RFX1: variants seen among roughly 807,000 people sequenced by gnomAD.
RFX1 encodes the protein regulatory factor X1.
A neutral mutation model predicts 119.6 loss-of-function variants in RFX1; 42 were observed. The ratio of observed to expected loss-of-function variants is 0.35; its 90% CI spans 0.27 to 0.45. RFX1 has a LOEUF of 0.45. RFX1 is among the 20% of genes least tolerant of loss of function. RFX1 has a pLI of 1.00. For missense variants in RFX1, 1,118 were observed against 1,368.1 expected, an observed-to-expected ratio of 0.82 and a Z score of 2.88; for synonymous variants, 628 against 618.5, an observed-to-expected ratio of 1.02 and a Z score of -0.23.
Position 13,990,107 on chromosome 19 carries a change from G to A in RFX1, c.319+3418C>T, listed in dbSNP as rs146176132. Reference sequence around the variant, plus strand: ...GTTCAGGGTTGCAGCCCAGGCTGGAGACCTCAGTGTGGGTAATGAGAGCTG... The same window carrying A: ...GTTCAGGGTTGCAGCCCAGGCTGGAAACCTCAGTGTGGGTAATGAGAGCTG... On this transcript the variant is annotated intron_variant, in intron 2 of 20. Transcript: ENST00000254325. The surrounding 1 kb of genome is among the most constrained non-coding windows in gnomAD (Gnocchi z 4.1). Among the ~76,000 whole-genome samples the A allele has an allele frequency of 3.8e-3, 573 of 152,292 alleles. 2 individuals are homozygous for A. Among genetic ancestry groups the A allele is most frequent in the Non-Finnish European group, 6.8e-3 (462 of 68,028 alleles).
In RFX1 at chr19:13,983,174, G is replaced by A; in HGVS notation, c.513+13C>T. On this transcript the variant is annotated intron_variant, in intron 4 of 20. Coordinates refer to ENST00000254325, the MANE Select transcript of RFX1 (RefSeq NM_002918.5). ...GAGCCTTCCAGGGTGGTGGCCAGGT[G>A]CAGCAGCATTACCTGCTGGGGCACT... 3 of 1,551,712 alleles carry A rather than the reference G, an allele frequency of 1.9e-6. No individual in the cohort carries two copies.
At position 13,980,502 on chromosome 19, in the gene RFX1, G is replaced by GCCC. The variant is rs1364828111; in HGVS notation, c.738+70_738+71insGGG. Reference sequence around the variant, plus strand: ...TGGGCTCTAATAGGCCAGAGGCACAGCCGTGGGGGGCTGCAGAGGCTGCCT... The same window carrying GCCC: ...TGGGCTCTAATAGGCCAGAGGCACAGCCCCCGTGGGGGGCTGCAGAGGCTGCCT... On this transcript the variant is annotated intron_variant, in intron 6 of 20. Transcript: ENST00000254325. The surrounding 1 kb of genome is among the most constrained non-coding windows in gnomAD (Gnocchi z 5.1). The GCCC allele has an allele frequency of 1.1e-5, 11 of 987,514 alleles. No homozygotes were observed. The highest frequency in any genetic ancestry group is 1.7e-5 in the Non-Finnish European group (11 of 662,650). 61.2% of individuals were successfully genotyped at this position (987,514 alleles called of 1,614,324 possible).
At chr19:13,981,093 C>CA (rs1974417661) in intron 5 of RFX1, among the ~76,000 whole-genome samples, 1 of 152,210 alleles carries the variant, frequency 6.6e-6, no homozygotes, top group African/African-American at 2.4e-5. Context: ...ATGGCACCCC[C>CA]ACTTCCCAAT....
intron 9 of RFX1, among the ~76,000 whole-genome samples, chr19:13,970,486 C>T (rs1974044664): frequency 6.6e-6 from 1 of 151,212 alleles, no homozygotes; most frequent in African/African-American, 2.4e-5. Flanking sequence ...CATAGGGAGA[C>T]CCTGTCTCTA....
chr19:13,963,393 C>A, intron 18 of RFX1, 118 bp from the exon 19 acceptor site: 1 of 1,441,358 alleles, frequency 6.9e-7, no homozygotes. Flanking sequence ...CTGGATCCCG[C>A]ACAGCCTTCC....
chr19:13,967,920 T>C (rs571685699), intron 12 of RFX1, among the ~76,000 whole-genome samples: 11 of 152,258 alleles, frequency 7.2e-5, no homozygotes, highest in African/African-American at 2.6e-4. Flanking sequence ...CCTGCCGTCA[T>C]ATCTCCAAAA....
At position 13,985,033 on chromosome 19, in the gene RFX1, G is replaced by T. The variant is rs371715093; in HGVS notation, c.320-1438C>A. ...GCACCACCATGTCCGGCTAATTTTT[G>T]TATTTTTAATAGGGACTGGGGTCTT... On this transcript the variant is annotated intron_variant, in intron 2 of 20. Coordinates refer to ENST00000254325, the MANE Select transcript of RFX1 (RefSeq NM_002918.5). This position sits in a 1 kb window ranked among gnomAD's most constrained non-coding sequence, Gnocchi z 4.3. 6.6e-6 allele frequency among the ~76,000 whole-genome samples: 1 copy of T among 152,098 alleles called. No homozygotes were observed. The highest frequency in any genetic ancestry group is 1.5e-5 in the Non-Finnish European group (1 of 68,018).
chr19:13,969,138 C>T lies in RFX1; in HGVS notation c.1497-244G>A, dbSNP rs1209962113. On this transcript the variant is annotated intron_variant, in intron 10 of 20. Coordinates refer to ENST00000254325, the MANE Select transcript of RFX1 (RefSeq NM_002918.5). This position sits in a 1 kb window ranked among gnomAD's most constrained non-coding sequence, Gnocchi z 4.5. ...ATGGATGAATGGCTGAACGAGGTGA[C>T]GCTGAAGCTGGGAATGGGAACCGAG... 6.6e-6 allele frequency among the ~76,000 whole-genome samples: 1 copy of T among 152,134 alleles called. No individual in the cohort carries two copies. Among genetic ancestry groups the T allele is most frequent in the Non-Finnish European group, 1.5e-5 (1 of 68,016 alleles).
chr19:13,979,412 C>T, intron 7 of RFX1, 35 bp downstream of exon 7: 1 of 1,467,746 alleles, frequency 6.8e-7, no homozygotes, highest in Non-Finnish European at 9.2e-7. Context: ...GGGACCAGCC[C>T]CTTTGCCCGT....
chr19:14,000,477 T>C (rs940868540), intron 1 of RFX1, among the ~76,000 whole-genome samples: 2 of 151,600 alleles, frequency 1.3e-5, no homozygotes, highest in African/African-American at 4.9e-5. Context: ...CACATACACA[T>C]ACACATACAC....
At position 13,979,533 on chromosome 19, in the gene RFX1, C is replaced by T. The variant is rs912782986; in HGVS notation, c.748G>A (p.Val250Ile). The change falls in exon 7 of 21, where the codon GTC becomes ATC. Residue 250 changes from valine (V) to isoleucine (I), a missense_variant. Around this residue, in one of 5 missense-constraint regions of RFX1, gnomAD observed 542 missense variants for 602.7 expected, o/e 0.90. Transcript: ENST00000254325. ...SVPVTQERSVVQATPQAPKPG... is the reference protein window; with the variant it reads ...SVPVTQERSVIQATPQAPKPG... ...TTGGGCGCTTGTGGAGTGGCCTGGA[C>T]CACAGATCTCTGGGAGGGGAAAGGC... The T allele has an allele frequency of 1.2e-5, 19 of 1,587,948 alleles. No individual in the cohort carries two copies. The highest frequency in any genetic ancestry group is 1.5e-5 in the Non-Finnish European group (18 of 1,165,910).
chr19:13,961,704 A>G lies in RFX1; in HGVS notation c.*991T>C, dbSNP rs1009463007. 10 of 152,458 alleles carry G rather than the reference A, an allele frequency of 6.6e-5. No individual in the cohort carries two copies. Among genetic ancestry groups the G allele is most frequent in the African/African-American group, 2.4e-4 (10 of 41,442 alleles). The allele number at this position is 152,458 out of a possible 1,614,324, so 9.4% of individuals were successfully genotyped here. On this transcript the variant is annotated 3_prime_UTR_variant, in exon 21 of 21. Coordinates refer to ENST00000254325, the MANE Select transcript of RFX1 (RefSeq NM_002918.5). ...AAAAGCTATAGCACGCGGAGCACAC[A>G]AAATAGTGATTTTTATACAATAGGT...
At chr19:13,978,689 C>T (rs1353838396) in intron 7 of RFX1, among the ~76,000 whole-genome samples, 1 of 152,012 alleles carries the variant, frequency 6.6e-6, no homozygotes, top group Non-Finnish European at 1.5e-5. Context: ...GTGGGCGGCC[C>T]AGACTGGGCG....
Position 14,001,697 on chromosome 19 carries a change from C to G in RFX1, c.-53+4406G>C, listed in dbSNP as rs74566323. Among the ~76,000 whole-genome samples the G allele has an allele frequency of 4.9e-3, 745 of 152,356 alleles. 1 individual carries two copies. The highest frequency in any genetic ancestry group is 0.017 in the African/African-American group (716 of 41,588). ...CTGGTGGGCCTGGTCTCTGTCTCAG[C>G]TCCTAGAAAACTGACAGGCAAGGCC... On this transcript the variant is annotated intron_variant, in intron 1 of 20. Transcript: ENST00000254325.
intron 1 of RFX1, among the ~76,000 whole-genome samples, chr19:13,995,615 C>T (rs1974985029): frequency 1.3e-5 from 2 of 152,104 alleles, no homozygotes; most frequent in African/African-American, 4.8e-5. Context: ...CTTTGGGAGA[C>T]CAGGGTGGCT....
chr19:13,975,621 C>T (rs1018096480), intron 8 of RFX1, among the ~76,000 whole-genome samples: 2 of 152,210 alleles, frequency 1.3e-5, no homozygotes, highest in Non-Finnish European at 2.9e-5. Context: ...ATGACCTGAG[C>T]AAGAGCCCCT....
At chr19:13,998,989 G>A (rs1975125888) in intron 1 of RFX1, among the ~76,000 whole-genome samples, 3 of 152,176 alleles carry the variant, frequency 2.0e-5, no homozygotes, top group South Asian at 2.1e-4. Context: ...AAAGGAGGAG[G>A]TGGGAGATCG....
At chr19:13,976,064 C>T (rs778209473) in intron 8 of RFX1, among the ~76,000 whole-genome samples, 8 of 152,262 alleles carry the variant, frequency 5.3e-5, no homozygotes, top group Non-Finnish European at 1.0e-4. Flanking sequence ...CACCGTGTTC[C>T]TCTTTGCAAT....
chr19:13,969,101 A>G lies in RFX1; in HGVS notation c.1497-207T>C, dbSNP rs1973995416. ...GCGGTTTGCCCAAGATTATGCATAAATGAATGGCTGAATGGATGAATGGCT... is the reference window on the plus strand; with the variant it reads ...GCGGTTTGCCCAAGATTATGCATAAGTGAATGGCTGAATGGATGAATGGCT... On this transcript the variant is annotated intron_variant, in intron 10 of 20. Transcript: ENST00000254325. The surrounding 1 kb of genome is among the most constrained non-coding windows in gnomAD (Gnocchi z 4.5). Among the ~76,000 whole-genome samples, 1 of 152,222 alleles carries G rather than the reference A, an allele frequency of 6.6e-6. No homozygotes were observed. The highest frequency in any genetic ancestry group is 6.5e-5 in the Admixed American group (1 of 15,278).
Sources: allele counts gnomAD v4.1 joint callset (sites outside exome capture counted in the v4.1 genomes callset), GRCh38; gene constraint gnomAD v4.1.1; regional missense constraint gnomAD v4.1.1; non-coding constraint Gnocchi (gnomAD v3.1); transcripts MANE v1.5; gene names NCBI Gene and HGNC (gene_info 2026-07-23, HGNC 2026-07-21).